Variants in EEFSEC observed in about 807,000 individuals in gnomAD.
The protein encoded by EEFSEC is eukaryotic elongation factor, selenocysteine-tRNA specific.
EEFSEC carries 43 observed loss-of-function variants against 42.1 expected under a neutral mutation model. That is an observed-to-expected ratio of 1.02 (90% CI 0.80 to 1.32). EEFSEC has a LOEUF of 1.32. Ranked by LOEUF, EEFSEC falls within the 40% of genes most tolerant of loss-of-function variation. The pLI is 0.00. For synonymous variants in EEFSEC, 354 were observed against 339.1 expected (o/e 1.04, Z -0.48); for missense variants, 745 against 803.6 (o/e 0.93, Z 0.88).
At position 128,401,215 on chromosome 3, in the gene EEFSEC, T is replaced by C. The variant is rs114658428; in HGVS notation, c.1601-6854T>C. On this transcript the variant is annotated intron_variant, in intron 6 of 6. Transcript: ENST00000254730. ...TGGACTTCTTTCTCCCTTGGGTCAC[T>C]CAAGGGCAGACAGGTGTTTTCTGGT... 3.3e-3 allele frequency among the ~76,000 whole-genome samples: 505 copies of C among 152,334 alleles called. 2 individuals are homozygous for C. The highest frequency in any genetic ancestry group is 5.9e-3 in the Non-Finnish European group (398 of 68,016).
At chr3:128,159,479 C>G (rs1393224190) in intron 1 of EEFSEC, among the ~76,000 whole-genome samples, 1 of 152,228 alleles carries the variant, frequency 6.6e-6, no homozygotes, top group Non-Finnish European at 1.5e-5. Flanking sequence ...CATTGCTCTC[C>G]TTTTACAAGT....
chr3:128,182,762 G>T (rs1375347742), intron 1 of EEFSEC, among the ~76,000 whole-genome samples: 1 of 152,068 alleles, frequency 6.6e-6, no homozygotes, highest in Non-Finnish European at 1.5e-5. Flanking sequence ...TAGGGGTTAG[G>T]GTTGCTGCTC....
chr3:128,253,794 G>A (rs1483304968), intron 2 of EEFSEC, among the ~76,000 whole-genome samples: 1 of 152,122 alleles, frequency 6.6e-6, no homozygotes, highest in Admixed American at 6.5e-5. Context: ...TCATGTCTGA[G>A]CTACTCTAGA....
intron 4 of EEFSEC, among the ~76,000 whole-genome samples, chr3:128,276,507 A>G (rs1030153068): frequency 1.6e-4 from 24 of 152,274 alleles, no homozygotes; most frequent in African/African-American, 5.1e-4. Flanking sequence ...CTTATCCGCA[A>G]AACATGGAAA....
chr3:128,187,804 G>C (rs926017166), intron 1 of EEFSEC, among the ~76,000 whole-genome samples: 1 of 152,212 alleles, frequency 6.6e-6, no homozygotes, highest in Non-Finnish European at 1.5e-5. Context: ...AGTGACATTT[G>C]TGTGGAGTCC....
chr3:128,274,843 A>G (rs2066451362), intron 4 of EEFSEC, among the ~76,000 whole-genome samples: 1 of 152,152 alleles, frequency 6.6e-6, no homozygotes, highest in Non-Finnish European at 1.5e-5. Context: ...CCACCTTCTT[A>G]AATAAGTAAG....
chr3:128,263,614 C>T (rs1033742407), intron 3 of EEFSEC, among the ~76,000 whole-genome samples: 1 of 152,200 alleles, frequency 6.6e-6, no homozygotes, highest in Non-Finnish European at 1.5e-5. Flanking sequence ...CAGACCAAGC[C>T]TGTTTTGTTT....
chr3:128,350,036 G>A (rs1436626860), intron 5 of EEFSEC, among the ~76,000 whole-genome samples: 1 of 152,238 alleles, frequency 6.6e-6, no homozygotes, highest in African/African-American at 2.4e-5. Flanking sequence ...GCACCCACTG[G>A]CGCCGGTCAG....
intron 4 of EEFSEC, among the ~76,000 whole-genome samples, chr3:128,267,833 C>T (rs1331622397): frequency 3.3e-5 from 5 of 152,152 alleles, no homozygotes; most frequent in African/African-American, 9.7e-5. Context: ...TGCGGAGAGC[C>T]GTCTTGGCTA....
intron 5 of EEFSEC, among the ~76,000 whole-genome samples, chr3:128,350,247 G>A (rs1468898856): frequency 2.6e-5 from 4 of 152,224 alleles, no homozygotes; most frequent in Admixed American, 6.5e-5. Context: ...TGGGGTGCAG[G>A]CTGGCTCATG....
intron 4 of EEFSEC, among the ~76,000 whole-genome samples, chr3:128,287,213 G>A (rs536601497): frequency 2.2e-4 from 33 of 152,316 alleles, no homozygotes; most frequent in African/African-American, 7.0e-4. Flanking sequence ...GTCCCCCTTT[G>A]TCTTGAAGCG....
chr3:128,282,786 C>G (rs1293047884), intron 4 of EEFSEC, among the ~76,000 whole-genome samples: 2 of 152,204 alleles, frequency 1.3e-5, no homozygotes, highest in African/African-American at 4.8e-5. Flanking sequence ...GTTAGGCTGG[C>G]TCTGCCGCTG....
At chr3:128,258,753 A>T (rs983117301) in intron 2 of EEFSEC, among the ~76,000 whole-genome samples, 1 of 152,198 alleles carries the variant, frequency 6.6e-6, no homozygotes, top group Non-Finnish European at 1.5e-5. Context: ...TTTGAGAACT[A>T]AAATTACATA....
chr3:128,247,948 C>A (rs17343355), intron 2 of EEFSEC, among the ~76,000 whole-genome samples: 1 of 151,958 alleles, frequency 6.6e-6, no homozygotes, highest in Non-Finnish European at 1.5e-5. Context: ...TGAAGCAATT[C>A]GCCTGGATCA....
At chr3:128,390,395 C>T (rs1231447065) in intron 6 of EEFSEC, among the ~76,000 whole-genome samples, 2 of 152,196 alleles carry the variant, frequency 1.3e-5, no homozygotes, top group African/African-American at 4.8e-5. Context: ...GGGGAAGGGA[C>T]CTTTTCGCCT....
At chr3:128,225,196 T>A (rs2065896795) in intron 1 of EEFSEC, among the ~76,000 whole-genome samples, 1 of 151,966 alleles carries the variant, frequency 6.6e-6, no homozygotes, top group Non-Finnish European at 1.5e-5. Context: ...TAGGTCAGTG[T>A]CTTTTTTTGG....
chr3:128,386,000 A>G (rs2067833750), intron 6 of EEFSEC, among the ~76,000 whole-genome samples: 1 of 152,268 alleles, frequency 6.6e-6, no homozygotes, highest in Non-Finnish European at 1.5e-5. Context: ...GAATGTTCAC[A>G]GTTACATGTT....
At chr3:128,194,094 G>C (rs980385390) in intron 1 of EEFSEC, among the ~76,000 whole-genome samples, 2 of 152,224 alleles carry the variant, frequency 1.3e-5, no homozygotes, top group African/African-American at 4.8e-5. Flanking sequence ...AATATTCCTG[G>C]TGTGGAGGTA....
chr3:128,361,008 G>A (rs539281165), intron 6 of EEFSEC, among the ~76,000 whole-genome samples: 26 of 152,200 alleles, frequency 1.7e-4, no homozygotes, highest in African/African-American at 5.1e-4. Context: ...CCAGGTGAAG[G>A]GAGAGAGAGT....
Sources: gnomAD v4.1 joint callset for allele counts (sites outside exome capture counted in the v4.1 genomes callset) on GRCh38, gnomAD v4.1.1 for gene constraint, MANE v1.5 for transcripts, NCBI Gene and HGNC (gene_info 2026-07-23, HGNC 2026-07-21) for gene names.